Variants in FOXP3 observed in about 807,000 individuals in gnomAD.
The protein encoded by FOXP3 is forkhead box P3.
Under a neutral mutation model 31.2 loss-of-function variants are expected in FOXP3, and 5 were observed. The observed-to-expected ratio is 0.16, with a 90% confidence interval of 0.08 to 0.34. FOXP3 has a LOEUF of 0.34. Ranked by LOEUF, FOXP3 falls within the 10% of genes least tolerant of loss-of-function variation. FOXP3 has a pLI of 1.00. For missense variants in FOXP3, 251 were observed against 363.0 expected, an observed-to-expected ratio of 0.69 and a Z score of 2.51; for synonymous variants, 141 against 148.8, an observed-to-expected ratio of 0.95 and a Z score of 0.38.
rs2066130030 is a variant in FOXP3 at position 49,264,641 on chromosome X, G to A, written c.-23+20C>T. On this transcript the variant is annotated intron_variant, in intron 1 of 11. Coordinates refer to ENST00000376207, the MANE Select transcript of FOXP3 (RefSeq NM_014009.4). The stretch of plus-strand genomic sequence containing the variant: ...CTCCAATGGGGCCCACATCTGGTAG[G>A]GGAGAGCAGGGACACTCACCTTGGT... 1.3e-6 allele frequency: 1 copy of A among 750,118 alleles called. No homozygotes were observed. The highest frequency in any genetic ancestry group is 8.8e-5 in the Admixed American group (1 of 11,367). The allele number at this position is 750,118 out of a possible 1,213,427, so 61.8% of individuals were successfully genotyped here.
intron 1 of FOXP3, among the ~76,000 whole-genome samples, chrX:49,261,614 G>C (rs2066110615): frequency 8.9e-6 from 1 of 112,599 alleles, no homozygotes; most frequent in Non-Finnish European, 1.9e-5. Flanking sequence ...CTGACCTATG[G>C]AGTCCGGGGC....
At chrX:49,257,920 CTT>C in intron 2 of FOXP3, 152 bp from the exon 3 acceptor site, 1 of 503,192 alleles carries the variant, frequency 2.0e-6, no homozygotes, top group Non-Finnish European at 3.3e-6. Context: ...GATCGAGTAA[CTT>C]TTTAAAGATC....
At position 49,257,733 on chromosome X, in the gene FOXP3, G is replaced by A. The variant is rs368483472; in HGVS notation, c.246C>T (p.Ser82=). 3.3e-5 allele frequency: 39 copies of A among 1,173,493 alleles called. No homozygotes were observed. Among genetic ancestry groups the A allele is most frequent in the Middle Eastern group, 2.3e-4 (1 of 4,324 alleles). ...PTLPLVMVAP[S]GARLGPLPHL... is the part of the protein sequence containing the mutation. ...GGGGCAAGGGGCCCAGCCGTGCCCCGGAGGGTGCCACCATGACTAGGGGCA... is the reference window on the plus strand; with the variant it reads ...GGGGCAAGGGGCCCAGCCGTGCCCCAGAGGGTGCCACCATGACTAGGGGCA... The change falls in exon 3 of 12, where the codon TCC becomes TCT. Residue 82 remains serine (S), a synonymous_variant. Transcript: ENST00000376207.
At chrX:49,252,199 T>C (rs2066038076) in intron 10 of FOXP3, among the ~76,000 whole-genome samples, 1 of 106,859 alleles carries the variant, frequency 9.4e-6, no homozygotes, top group Non-Finnish European at 1.9e-5. Flanking sequence ...AAGGGGTGGG[T>C]TAAGAGTCAG....
chrX:49,252,050 T>G (rs1455979843), intron 10 of FOXP3, among the ~76,000 whole-genome samples: 1 of 107,693 alleles, frequency 9.3e-6, no homozygotes, highest in African/African-American at 3.4e-5. Context: ...AGGGCTGAAG[T>G]GAGGTGAAAG....
At chrX:49,261,230 C>T (rs1160768891) in intron 1 of FOXP3, among the ~76,000 whole-genome samples, 2 of 112,644 alleles carry the variant, frequency 1.8e-5, no homozygotes, top group Non-Finnish European at 1.9e-5. Flanking sequence ...GGTGTCCAAA[C>T]TCCTTGGAAC....
At chrX:49,251,971 G>A in intron 10 of FOXP3, 1 of 708,628 alleles carries the variant, frequency 1.4e-6, no homozygotes, top group Non-Finnish European at 1.7e-6. Context: ...AGATGGGTGT[G>A]GGTATGGTTG....
chrX:49,258,606 A>C, intron 1 of FOXP3, 79 bp from the exon 2 acceptor site: 2 of 834,571 alleles, frequency 2.4e-6, no homozygotes, highest in Non-Finnish European at 3.3e-6. Context: ...CCACGTGGAC[A>C]CTCCTCTGGT....
intron 1 of FOXP3, among the ~76,000 whole-genome samples, chrX:49,258,801 T>G (rs782097506): frequency 1.8e-5 from 2 of 111,985 alleles, no homozygotes; most frequent in Non-Finnish European, 3.8e-5. Flanking sequence ...AGCCCTGGTG[T>G]GGATGTGTCC....
rs2066029108 is a variant in FOXP3 at position 49,251,310 on chromosome X, ATCC to A, written c.*21_*23del. On this transcript the variant is annotated 3_prime_UTR_variant, in exon 12 of 12. Transcript: ENST00000376207. ...CCACCAGTTTGGCCCCTGTTCGTCC[ATCC>A]TCCTTTCCTTGATCTTGAGGTCAGG... The A allele has an allele frequency of 8.3e-7, 1 of 1,204,037 alleles. No individual in the cohort carries two copies. Among genetic ancestry groups the A allele is most frequent in the African/African-American group, 1.7e-5 (1 of 57,593 alleles).
In FOXP3 at chrX:49,255,813, A is replaced by G. The variant is rs2066066047; in HGVS notation, c.648-11T>C. The G allele has an allele frequency of 8.4e-7, 1 of 1,190,782 alleles. No individual in the cohort carries two copies. The highest frequency in any genetic ancestry group is 1.8e-5 in the South Asian group (1 of 54,860). Reference sequence around the variant, plus strand: ...TCCGCCTGGCAGTGCCTAAGTAGGGAGAAGATTCCATGCAGGTGACCACGA... The same window carrying G: ...TCCGCCTGGCAGTGCCTAAGTAGGGGGAAGATTCCATGCAGGTGACCACGA... On this transcript the variant is annotated splice_polypyrimidine_tract_variant and intron_variant, in intron 6 of 11. Coordinates refer to ENST00000376207, the MANE Select transcript of FOXP3 (RefSeq NM_014009.4).
At chrX:49,255,322 C>T (rs2066062446) in intron 8 of FOXP3, 107 bp downstream of exon 8, 2 of 798,240 alleles carry the variant, frequency 2.5e-6, no homozygotes, top group African/African-American at 4.1e-5. Flanking sequence ...ACAGGGGCCC[C>T]TAGCTCTCAG....
intron 8 of FOXP3, 114 bp downstream of exon 8, chrX:49,255,313 CAG>C (rs1193686042): frequency 4.5e-6 from 3 of 665,565 alleles, no homozygotes; most frequent in African/African-American, 4.3e-5. Flanking sequence ...GAGCTGGGGA[CAG>C]GGGCCCCTAG....
chrX:49,261,636 C>T (rs2066110723), intron 1 of FOXP3, among the ~76,000 whole-genome samples: 1 of 112,507 alleles, frequency 8.9e-6, no homozygotes, highest in African/African-American at 3.2e-5. Flanking sequence ...TCACCTAGCC[C>T]AGCTCTTGTG....
chrX:49,257,838 T>G, intron 2 of FOXP3, 70 bp from the exon 3 acceptor site: 2 of 844,424 alleles, frequency 2.4e-6, no homozygotes, highest in Non-Finnish European at 3.4e-6. Flanking sequence ...TCAAATACTC[T>G]GCACTGCAAG....
chrX:49,253,577 G>A, intron 9 of FOXP3, among the ~76,000 whole-genome samples: 1 of 112,024 alleles, frequency 8.9e-6, no homozygotes, highest in South Asian at 3.8e-4. Context: ...CTTGGTCAGG[G>A]GAGGAAAGGA....
Position 49,255,576 on chromosome X carries a change from G to A in FOXP3, c.736-67C>T, listed in dbSNP as rs782217220. ...TCTGCCACATCTTTGCCCAGGCTAC[G>A]GTCTTCCCTGGGAGTGCCCGCTCCT... On this transcript the variant is annotated intron_variant, in intron 7 of 11. Coordinates refer to ENST00000376207, the MANE Select transcript of FOXP3 (RefSeq NM_014009.4). The A allele has an allele frequency of 1.5e-4, 172 of 1,111,460 alleles. No homozygotes were observed. The African/African-American group carries it at 2.5e-3, about 16-fold the overall frequency. The allele number at this position is 1,111,460 out of a possible 1,213,427, so 91.6% of individuals were successfully genotyped here. A position where few individuals can be genotyped will look rare whatever the true frequency, so the allele number is the denominator to read the frequency against.
intron 1 of FOXP3, chrX:49,259,244 G>A (rs782367596): frequency 1.5e-4 from 79 of 523,636 alleles, no homozygotes; most frequent in Admixed American, 4.8e-4. Context: ...GGGACATGGC[G>A]GGGAGTTGGA....
chrX:49,257,276 G>GT, intron 4 of FOXP3, 151 bp downstream of exon 4: 4 of 787,630 alleles, frequency 5.1e-6, no homozygotes, highest in Non-Finnish European at 7.1e-6. Context: ...TGCACCTGAC[G>GT]TTTTTTGGAG....
Sources: allele counts gnomAD v4.1 joint callset (sites outside exome capture counted in the v4.1 genomes callset), GRCh38; gene constraint gnomAD v4.1.1; transcripts MANE v1.5; gene names NCBI Gene and HGNC (gene_info 2026-07-23, HGNC 2026-07-21).